The following BAD variants were observed in gnomAD, a reference collection of about 807,000 sequenced individuals.
The protein encoded by BAD is bcl2-associated agonist of cell death.
A neutral mutation model predicts 17.8 loss-of-function variants in BAD; 18 were observed. That is an observed-to-expected ratio of 1.01 (90% confidence interval 0.70 to 1.50). The LOEUF (loss-of-function observed/expected upper bound fraction) is 1.50. BAD is among the 40% of genes most tolerant of loss of function. BAD has a pLI of 0.00. For missense variants in BAD, 294 were observed against 239.3 expected (o/e 1.23, Z -1.51); for synonymous variants, 112 against 91.5 (o/e 1.22, Z -1.28).
At chr11:64,282,695 C>T (rs578003381) in intron 2 of BAD, among the ~76,000 whole-genome samples, 21 of 151,880 alleles carry the variant, frequency 1.4e-4, no homozygotes, top group African/African-American at 5.1e-4. Context: ...CTGGCTAACA[C>T]GGTGAAACCC....
Position 64,271,763 on chromosome 11 carries a change from G to A in BAD, c.228C>T (p.Tyr76=). 1 of 1,405,414 alleles carries A rather than the reference G, an allele frequency of 7.1e-7. No homozygotes were observed. Among genetic ancestry groups the A allele is most frequent in the East Asian group, 2.8e-5 (1 of 36,024 alleles). The allele number at this position is 1,405,414 out of a possible 1,614,324, so 87.1% of individuals were successfully genotyped here. Residue 76 remains tyrosine, a synonymous_variant, in exon 3 of 4, where the codon TAC becomes TAT. Coordinates refer to ENST00000309032, the MANE Select transcript of BAD (RefSeq NM_032989.3). ...AVEIRSRHSS[Y]PAGTEDDEGM... is the part of the protein sequence containing the mutation. ...CTTCGTCGTCCTCCGTCCCCGCGGG[G>A]TAGGAGCTGTGGCGACTCCGGATCT...
chr11:64,277,958 G>A (rs1479465078), intron 2 of BAD, among the ~76,000 whole-genome samples: 1 of 152,084 alleles, frequency 6.6e-6, no homozygotes, highest in Middle Eastern at 3.2e-3. Flanking sequence ...GAATGTTCAC[G>A]TTACAAAATA....
Position 64,284,151 on chromosome 11 carries a change from T to C in BAD, c.187+31A>G, listed in dbSNP as rs376887057. 7.8e-6 allele frequency: 12 copies of C among 1,540,324 alleles called. No homozygotes were observed. In the African/African-American group the frequency reaches 1.5e-4, roughly 19 times the overall value. ...GAGCCAGTGGGCTGGGGGTGAGGTGTCCCGGCAGGTGGAGGTGGTGGGGTA... is the reference window on the plus strand; with the variant it reads ...GAGCCAGTGGGCTGGGGGTGAGGTGCCCCGGCAGGTGGAGGTGGTGGGGTA... On this transcript the variant is annotated intron_variant, in intron 2 of 3. Transcript: ENST00000309032.
intron 1 of BAD, 41 bp downstream of exon 1, chr11:64,284,590 C>A: frequency 1.3e-6 from 2 of 1,496,654 alleles, no homozygotes; most frequent in Non-Finnish European, 1.8e-6. Context: ...CCGGTGGACC[C>A]AGGCCCCGCC....
At chr11:64,276,977 G>A (rs774190872) in intron 2 of BAD, 22 of 737,452 alleles carry the variant, frequency 3.0e-5, no homozygotes, top group African/African-American at 2.8e-4. Context: ...TGATGCTTCC[G>A]CGAGCATCCC....
intron 2 of BAD, among the ~76,000 whole-genome samples, chr11:64,277,582 C>T (rs1273838273): frequency 6.6e-6 from 1 of 152,174 alleles, no homozygotes; most frequent in Non-Finnish European, 1.5e-5. Flanking sequence ...GGACTACAGG[C>T]ATCACCATGC....
chr11:64,273,473 A>T (rs888766238), intron 2 of BAD, among the ~76,000 whole-genome samples: 1 of 152,166 alleles, frequency 6.6e-6, no homozygotes, highest in African/African-American at 2.4e-5. Flanking sequence ...GGTCTATTTG[A>T]ACTGTGCTCT....
intron 2 of BAD, among the ~76,000 whole-genome samples, chr11:64,273,876 A>AAG (rs1477858164): frequency 6.6e-6 from 1 of 151,184 alleles, no homozygotes; most frequent in Non-Finnish European, 1.5e-5. Flanking sequence ...AAAAAAAAAA[A>AAG]AAAAGAGAGG....
At chr11:64,272,656 C>G (rs1467923799) in intron 2 of BAD, 1 of 152,248 alleles carries the variant, frequency 6.6e-6, no homozygotes, top group Admixed American at 6.5e-5. Flanking sequence ...CCTAACCACC[C>G]TGGGAGGTGA....
At chr11:64,277,201 C>T (rs115710209) in intron 2 of BAD, among the ~76,000 whole-genome samples, 375 of 152,322 alleles carry the variant, frequency 2.5e-3, no homozygotes, top group African/African-American at 8.5e-3. Flanking sequence ...CTACCACATG[C>T]CGACCACACA....
At chr11:64,279,650 C>CT (rs1331597577) in intron 2 of BAD, among the ~76,000 whole-genome samples, 1 of 151,142 alleles carries the variant, frequency 6.6e-6, no homozygotes, top group Non-Finnish European at 1.5e-5. Flanking sequence ...GTAATCCCAG[C>CT]TACTGGGGAG....
chr11:64,277,242 T>C (rs2033137475), intron 2 of BAD, among the ~76,000 whole-genome samples: 1 of 152,174 alleles, frequency 6.6e-6, no homozygotes, highest in African/African-American at 2.4e-5. Context: ...CTGACGTCAG[T>C]GGCCAGCACA....
At chr11:64,271,925 C>G in intron 2 of BAD, 122 bp from the exon 3 acceptor site, 7 of 717,514 alleles carry the variant, frequency 9.8e-6, no homozygotes, top group Non-Finnish European at 1.4e-5. Context: ...GGGCGCATCA[C>G]AGCCCACCTC....
chr11:64,270,175 G>A lies in BAD; in HGVS notation c.*34C>T, dbSNP rs751423549. On this transcript the variant is annotated 3_prime_UTR_variant, in exon 4 of 4. Coordinates refer to ENST00000309032, the MANE Select transcript of BAD (RefSeq NM_032989.3). ...TTCAAGATGGCTGCCCAGGGCAGTG[G>A]GAACGGGTGGAGTTTCGGGATGTGG... The A allele has an allele frequency of 1.2e-6, 2 of 1,613,838 alleles. No homozygotes were observed.
chr11:64,269,959 G>A lies in BAD; in HGVS notation c.*250C>T, dbSNP rs1186590620. 5 of 746,268 alleles carry A rather than the reference G, an allele frequency of 6.7e-6. No individual in the cohort carries two copies. The highest frequency in any genetic ancestry group is 3.0e-5 in the South Asian group (2 of 66,862). 46.2% of individuals were successfully genotyped at this position (746,268 alleles called of 1,614,324 possible). On this transcript the variant is annotated 3_prime_UTR_variant, in exon 4 of 4. Coordinates refer to ENST00000309032, the MANE Select transcript of BAD (RefSeq NM_032989.3). Reference sequence around the variant, plus strand: ...ACTTAGCGCAGGCGCCTGGGGGAAAGCCCGGAGCCTGAGGGCGGGGCCACG... The same window carrying A: ...ACTTAGCGCAGGCGCCTGGGGGAAAACCCGGAGCCTGAGGGCGGGGCCACG...
intron 2 of BAD, among the ~76,000 whole-genome samples, chr11:64,273,855 C>CAAA (rs34577596): frequency 0.07 from 3,775 of 54,226 alleles, 685 homozygotes; most frequent in East Asian, 0.43. Flanking sequence ...GCACCCATCT[C>CAAA]AAAAAAAAAA....
At chr11:64,284,520 G>A (rs2033722335) in intron 1 of BAD, 111 bp downstream of exon 1, 2 of 1,538,482 alleles carry the variant, frequency 1.3e-6, no homozygotes, top group Non-Finnish European at 8.7e-7. Context: ...CTGTCTGCCG[G>A]GTCTGGCCTG....
intron 2 of BAD, chr11:64,276,742 C>T (rs2033094639): frequency 3.4e-6 from 2 of 586,358 alleles, no homozygotes; most frequent in South Asian, 2.0e-5. Flanking sequence ...ACTCTCCCTT[C>T]TCTGGGGAAG....
chr11:64,270,314 G>A lies in BAD; in HGVS notation c.402C>T (p.Ser134=), dbSNP rs761483532. Residue 134 remains serine (S), a synonymous_variant, in exon 4 of 4, where the codon AGC becomes AGT. Coordinates refer to ENST00000309032, the MANE Select transcript of BAD (RefSeq NM_032989.3). ...SFKKGLPRPK[S]AGTATQMRQS... ...GCCGCATCTGCGTTGCTGTGCCCGC[G>A]CTCTTCGGGCGAGGAAGTCCCTTCT... 6.4e-7 allele frequency: 1 copy of A among 1,567,214 alleles called. No homozygotes were observed. Among genetic ancestry groups the A allele is most frequent in the Non-Finnish European group, 8.7e-7 (1 of 1,151,146 alleles).
Sources: allele counts gnomAD v4.1 joint callset (sites outside exome capture counted in the v4.1 genomes callset), GRCh38; gene constraint gnomAD v4.1.1; transcripts MANE v1.5; gene names NCBI Gene and HGNC (gene_info 2026-07-23, HGNC 2026-07-21).